The following MAP7 variants were observed in gnomAD, a reference collection of about 807,000 sequenced individuals.
MAP7 encodes the protein ensconsin.
MAP7 carries 52 observed loss-of-function variants against 94.8 expected under a neutral mutation model. That is an observed-to-expected ratio of 0.55 (90% CI 0.44 to 0.69). MAP7 has a LOEUF of 0.69. MAP7 is among the 30% of genes least tolerant of loss of function. The probability of loss-of-function intolerance (pLI) is 0.00; values close to 1 mark genes in which losing one functional copy is unlikely to be tolerated. For synonymous variants in MAP7, 350 were observed against 357.0 expected (o/e 0.98, Z 0.22); for missense variants, 940 against 964.6 (o/e 0.97, Z 0.34).
In MAP7 at chr6:136,377,793, G is replaced by C; in HGVS notation, c.713C>G (p.Ala238Gly). The part of the protein sequence containing the change: ...RLLTPTHSFL[A>G]RSKSTAALSG... ...CAAGGCAGCTGTGCTTTTACTTCTG[G>C]CCAGGAACGAATGTGTGGGCGTCAG... Residue 238 changes from alanine to glycine, a missense_variant, in exon 7 of 18, where the codon GCC becomes GGC. By Grantham distance (60) the Ala-to-Gly change is moderately conservative. Coordinates refer to ENST00000354570, the MANE Select transcript of MAP7 (RefSeq NM_003980.6). The C allele has an allele frequency of 6.2e-7, 1 of 1,614,092 alleles. No homozygotes were observed. Among genetic ancestry groups the C allele is most frequent in the Non-Finnish European group, 8.5e-7 (1 of 1,179,968 alleles).
intron 1 of MAP7, among the ~76,000 whole-genome samples, chr6:136,501,662 A>G (rs1027407360): frequency 3.3e-5 from 5 of 152,046 alleles, no homozygotes; most frequent in African/African-American, 1.2e-4. Flanking sequence ...CTTTTTTTAT[A>G]TATTGCACAT....
In MAP7 at chr6:136,550,352, T is replaced by C; in HGVS notation, c.57A>G (p.Arg19=). The C allele has an allele frequency of 1.3e-6, 2 of 1,525,894 alleles. No individual in the cohort carries two copies. The highest frequency in any genetic ancestry group is 1.7e-6 in the Non-Finnish European group (2 of 1,144,944). 94.5% of individuals were successfully genotyped at this position (1,525,894 alleles called of 1,614,324 possible). The change falls in exon 1 of 18, where the codon CGA becomes CGG. Residue 19 remains arginine (R), a synonymous_variant. Coordinates refer to ENST00000354570, the MANE Select transcript of MAP7 (RefSeq NM_003980.6). The surrounding 1 kb of genome is among the most constrained non-coding windows in gnomAD (Gnocchi z 5.1). Reference sequence around the variant, plus strand: ...CCGCTGTGCGGTCACCTGTTTCGCTTCGCACTGCGCCGTCGCCGCCCCTGT... The same window carrying C: ...CCGCTGTGCGGTCACCTGTTTCGCTCCGCACTGCGCCGTCGCCGCCCCTGT... The part of the protein sequence containing the change: ...DGHRGGDGAV[R]SETAPDSYKV...
chr6:136,512,305 C>G (rs1224252736), intron 1 of MAP7, among the ~76,000 whole-genome samples: 1 of 152,240 alleles, frequency 6.6e-6, no homozygotes, highest in African/African-American at 2.4e-5. Flanking sequence ...GGTCTTGAAT[C>G]AGCACCTAGA....
chr6:136,380,670 T>A (rs1777494017), intron 6 of MAP7, among the ~76,000 whole-genome samples: 1 of 152,214 alleles, frequency 6.6e-6, no homozygotes, highest in Non-Finnish European at 1.5e-5. Context: ...TGTAAAAATT[T>A]CCAGTGGCAA....
Position 136,359,997 on chromosome 6 carries a change from G to A in MAP7, c.1838C>T (p.Thr613Ile), listed in dbSNP as rs755562038. Residue 613 changes from threonine (T) to isoleucine (I), a missense_variant, in exon 14 of 18, where the codon ACA becomes ATA. Physicochemically the swap from Thr to Ile is moderately conservative, Grantham distance 89 (BLOSUM62 -1). Coordinates refer to ENST00000354570, the MANE Select transcript of MAP7 (RefSeq NM_003980.6). ...TGTCAATACCTTATCTGTAGCTTCT[G>A]TTCTCCTGGTTCTTTTCATAATCTC... is the stretch of plus-strand genomic sequence containing the variant. ...LEEIMKRTRR[T>I]EATDKKTSDQ... 5 of 1,613,308 alleles carry A rather than the reference G, an allele frequency of 3.1e-6. No individual in the cohort carries two copies. The East Asian group carries it at 6.7e-5, about 22-fold the overall frequency.
chr6:136,442,308 G>A (rs1798098590), intron 1 of MAP7, among the ~76,000 whole-genome samples: 1 of 148,832 alleles, frequency 6.7e-6, no homozygotes, highest in Non-Finnish European at 1.5e-5. Flanking sequence ...GGGAGGCTGA[G>A]ACAGGAGAAC....
intron 1 of MAP7, among the ~76,000 whole-genome samples, chr6:136,520,234 G>A (rs759729220): frequency 3.7e-3 from 563 of 151,632 alleles, no homozygotes; most frequent in Non-Finnish European, 5.7e-3. Flanking sequence ...GGAGCAGGAG[G>A]AGGAGAAGAA....
At chr6:136,446,590 C>T (rs1799438826) in intron 1 of MAP7, among the ~76,000 whole-genome samples, 1 of 152,210 alleles carries the variant, frequency 6.6e-6, no homozygotes, top group Non-Finnish European at 1.5e-5. Flanking sequence ...CCCCAACCCT[C>T]TAATCCTGCC....
chr6:136,433,841 C>T (rs1014136478), intron 1 of MAP7, among the ~76,000 whole-genome samples: 1 of 152,120 alleles, frequency 6.6e-6, no homozygotes, highest in Non-Finnish European at 1.5e-5. Context: ...AACTCCATGC[C>T]CACTTCAAAG....
chr6:136,405,239 G>A (rs1048951428), intron 3 of MAP7, among the ~76,000 whole-genome samples: 2 of 152,194 alleles, frequency 1.3e-5, no homozygotes, highest in Admixed American at 1.3e-4. Flanking sequence ...CCCTTCCAGA[G>A]CTTATGTTCC....
At chr6:136,383,624 G>A (rs773983845) in intron 6 of MAP7, 47 bp downstream of exon 6, 5 of 1,023,228 alleles carry the variant, frequency 4.9e-6, no homozygotes, top group Non-Finnish European at 7.2e-6. Flanking sequence ...AGAAAAAAAA[G>A]CATTAAGTAA....
Position 136,400,244 on chromosome 6 carries a change from G to T in MAP7, c.245-10727C>A, listed in dbSNP as rs561972628. On this transcript the variant is annotated intron_variant, in intron 3 of 17. Coordinates refer to ENST00000354570, the MANE Select transcript of MAP7 (RefSeq NM_003980.6). ...ATCCTGGCTAACACAGTGAAACCCT[G>T]TCTCTACTGAAAATACAAAAAATTA... Among the ~76,000 whole-genome samples, 243 of 151,270 alleles carry T rather than the reference G, an allele frequency of 1.6e-3. 4 individuals carry two copies. In the South Asian group the frequency reaches 0.049, roughly 31 times the overall value.
chr6:136,467,236 G>A (rs75756098), intron 1 of MAP7, among the ~76,000 whole-genome samples: 3,642 of 152,226 alleles, frequency 0.024, 152 homozygotes, highest in African/African-American at 0.082. Context: ...TCTCCAGACT[G>A]TCTGTCTTTG....
chr6:136,422,810 A>G (rs1051024325), intron 1 of MAP7, among the ~76,000 whole-genome samples: 4 of 152,166 alleles, frequency 2.6e-5, no homozygotes, highest in Non-Finnish European at 5.9e-5. Context: ...ATGTATTTCT[A>G]AAGTTTTCAG....
chr6:136,390,214 T>A (rs1279534340), intron 3 of MAP7, among the ~76,000 whole-genome samples: 1 of 152,238 alleles, frequency 6.6e-6, no homozygotes, highest in East Asian at 1.9e-4. Flanking sequence ...CAAAGCTATT[T>A]CAATATGCTG....
chr6:136,358,645 T>A (rs2128554849), intron 15 of MAP7, among the ~76,000 whole-genome samples: 1 of 152,334 alleles, frequency 6.6e-6, no homozygotes, highest in Admixed American at 6.5e-5. Flanking sequence ...TTCTGTCACA[T>A]AAACCGTTGG....
chr6:136,358,746 T>A (rs1346340767), intron 15 of MAP7, among the ~76,000 whole-genome samples: 1 of 152,224 alleles, frequency 6.6e-6, no homozygotes, highest in Non-Finnish European at 1.5e-5. Context: ...TTTCTTTTCA[T>A]ATTGATATCA....
rs180815744 is a variant in MAP7 at position 136,400,739 on chromosome 6, G to T, written c.244+10881C>A. On this transcript the variant is annotated intron_variant, in intron 3 of 17. Transcript: ENST00000354570. ...GCACATGGTCTAAAAGAAAACAGCT[G>T]GGATTTTCATTCAGCTCTGACTCGA... Among the ~76,000 whole-genome samples the T allele has an allele frequency of 1.0e-3, 154 of 152,234 alleles. 1 individual carries two copies. The highest frequency in any genetic ancestry group is 3.6e-3 in the African/African-American group (148 of 41,540).
At chr6:136,354,753 T>A (rs188535328) in intron 16 of MAP7, among the ~76,000 whole-genome samples, 2 of 152,264 alleles carry the variant, frequency 1.3e-5, no homozygotes, top group East Asian at 1.9e-4. Context: ...AATTGTTGCT[T>A]TTCTGTGTGT....
Sources: allele counts gnomAD v4.1 joint callset (sites outside exome capture counted in the v4.1 genomes callset), GRCh38; gene constraint gnomAD v4.1.1; non-coding constraint Gnocchi (gnomAD v3.1); transcripts MANE v1.5; gene names NCBI Gene and HGNC (gene_info 2026-07-23, HGNC 2026-07-21).